UBA6: variants seen among roughly 807,000 people sequenced by gnomAD.
UBA6 encodes the protein ubiquitin like modifier activating enzyme 6, also known as ubiquitin-like modifier-activating enzyme 6.
A neutral mutation model predicts 148.3 loss-of-function variants in UBA6; 87 were observed. The ratio of observed to expected loss-of-function variants is 0.59; its 90% confidence interval spans 0.49 to 0.70. The LOEUF (loss-of-function observed/expected upper bound fraction) is 0.70, where lower values mean the gene tolerates loss of function less well. Among genes scored for constraint, UBA6 ranks in the 30% least tolerant of loss-of-function variants. The pLI, the probability that UBA6 is intolerant of heterozygous loss-of-function variation, is 0.00. For synonymous variants in UBA6, 376 were observed against 401.0 expected, an observed-to-expected ratio of 0.94 and a Z score of 0.75; for missense variants, 1,186 against 1,241.2, an observed-to-expected ratio of 0.96 and a Z score of 0.67.
Position 67,649,054 on chromosome 4 carries a change from AACT to A in UBA6, c.1248+11_1248+13del, listed in dbSNP as rs1345056456. 1 of 1,604,072 alleles carries A rather than the reference AACT, an allele frequency of 6.2e-7. No homozygotes were observed. The highest frequency in any genetic ancestry group is 1.7e-5 in the Admixed American group (1 of 57,326). The stretch of plus-strand genomic sequence containing the variant: ...CACGAGTAAAGAATTCAACTTTAAA[AACT>A]CAGAACTAACCCACTGGCACAAAGG... On this transcript the variant is annotated intron_variant, in intron 14 of 32. Transcript: ENST00000322244.
chr4:67,656,524 G>A (rs535672551), intron 13 of UBA6, among the ~76,000 whole-genome samples: 100 of 152,158 alleles, frequency 6.6e-4, no homozygotes, highest in Non-Finnish European at 9.3e-4. Flanking sequence ...TTGATGAAAC[G>A]TTACCTCAAA....
intron 6 of UBA6, among the ~76,000 whole-genome samples, chr4:67,677,339 T>C (rs1297076381): frequency 6.6e-6 from 1 of 152,164 alleles, no homozygotes; most frequent in Non-Finnish European, 1.5e-5. Flanking sequence ...AGGAAAGAAA[T>C]AAATGCATGT....
At chr4:67,676,401 A>T (rs1730282202) in intron 6 of UBA6, among the ~76,000 whole-genome samples, 1 of 152,114 alleles carries the variant, frequency 6.6e-6, no homozygotes, top group South Asian at 2.1e-4. Context: ...TAATCTCTAA[A>T]CCTATGTGAC....
chr4:67,656,774 A>G (rs1281759514), intron 13 of UBA6, among the ~76,000 whole-genome samples: 1 of 152,250 alleles, frequency 6.6e-6, no homozygotes, highest in East Asian at 1.9e-4. Flanking sequence ...TTGTATATTT[A>G]GAAAACCCCA....
At chr4:67,667,645 C>T (rs954681208) in intron 9 of UBA6, among the ~76,000 whole-genome samples, 6 of 152,128 alleles carry the variant, frequency 3.9e-5, no homozygotes, top group East Asian at 1.9e-4. Flanking sequence ...TATAGTTATG[C>T]GTTGTCCAGT....
intron 8 of UBA6, among the ~76,000 whole-genome samples, chr4:67,669,730 A>C (rs1310189794): frequency 6.6e-6 from 1 of 152,132 alleles, no homozygotes; most frequent in Non-Finnish European, 1.5e-5. Context: ...TAGAAATATA[A>C]CAAATTAGAA....
At chr4:67,644,647 A>G (rs759358688) in intron 17 of UBA6, 51 bp downstream of exon 17, 15 of 1,052,658 alleles carry the variant, frequency 1.4e-5, no homozygotes, top group South Asian at 2.6e-5. Context: ...TAGCTGAAAA[A>G]GGGCAACAAC....
intron 13 of UBA6, among the ~76,000 whole-genome samples, chr4:67,656,275 G>A (rs556946342): frequency 6.6e-6 from 1 of 151,970 alleles, no homozygotes; most frequent in East Asian, 1.9e-4. Flanking sequence ...GAACATTGAT[G>A]CAAAAATAAA....
At chr4:67,666,825 T>C (rs915329422) in intron 9 of UBA6, among the ~76,000 whole-genome samples, 4 of 152,056 alleles carry the variant, frequency 2.6e-5, no homozygotes, top group African/African-American at 9.7e-5. Context: ...CAGTGAGCCA[T>C]GATCATGTCG....
At chr4:67,667,777 T>C (rs986846557) in intron 9 of UBA6, among the ~76,000 whole-genome samples, 1 of 152,212 alleles carries the variant, frequency 6.6e-6, no homozygotes, top group African/African-American at 2.4e-5. Flanking sequence ...TTTCCATTTT[T>C]AAGAATGTCT....
intron 13 of UBA6, 92 bp from the exon 14 acceptor site, chr4:67,649,303 A>G (rs778680155): frequency 8.9e-5 from 113 of 1,264,868 alleles, no homozygotes; most frequent in Admixed American, 6.5e-4. Flanking sequence ...TTAGAACTTA[A>G]CTTCTAAAAA....
chr4:67,628,261 T>C (rs12509806), intron 27 of UBA6, among the ~76,000 whole-genome samples: 3,275 of 152,008 alleles, frequency 0.022, 105 homozygotes, highest in East Asian at 0.11. Context: ...CTAAGCTAGC[T>C]TCTTATTTCA....
chr4:67,668,931 A>T (rs943336910), intron 8 of UBA6, among the ~76,000 whole-genome samples: 1 of 152,196 alleles, frequency 6.6e-6, no homozygotes, highest in Non-Finnish European at 1.5e-5. Flanking sequence ...CACAGAAAGG[A>T]TCAAATATTT....
At chr4:67,678,244 G>A (rs777066856) in intron 5 of UBA6, among the ~76,000 whole-genome samples, 195 bp downstream of exon 5, 9 of 149,730 alleles carry the variant, frequency 6.0e-5, no homozygotes, top group Non-Finnish European at 1.2e-4. Flanking sequence ...ATGACTGATT[G>A]GTGTTCTAGA....
chr4:67,687,404 A>T (rs1399016069), intron 2 of UBA6, among the ~76,000 whole-genome samples: 8 of 152,214 alleles, frequency 5.3e-5, no homozygotes. Context: ...AAGAAAGATT[A>T]AGCAACTAGC....
intron 2 of UBA6, among the ~76,000 whole-genome samples, chr4:67,684,056 G>A (rs1730503236): frequency 6.6e-6 from 1 of 152,156 alleles, no homozygotes; most frequent in South Asian, 2.1e-4. Context: ...CAGCTTGGGC[G>A]ACGGGAATGA....
rs559159887 is a variant in UBA6, at chr4:67,662,827, T to C, written c.1037+312A>G. 12 of 218,824 alleles carry C rather than the reference T, an allele frequency of 5.5e-5. No homozygotes were observed. The East Asian group carries it at 1.3e-3, about 24-fold the overall frequency. 13.6% of individuals were successfully genotyped at this position (218,824 alleles called of 1,614,324 possible). A position where few individuals can be genotyped will look rare whatever the true frequency, so the allele number is the denominator to read the frequency against. ...CCAACAGTACTCTGACTTAACAGGA[T>C]ATAAAGTTAAAAAAAAAATTACTAT... On this transcript the variant is annotated intron_variant, in intron 12 of 32. Transcript: ENST00000322244.
At position 67,677,681 on chromosome 4, in the gene UBA6, T is replaced by C. The variant is rs532958624; in HGVS notation, c.395A>G (p.Tyr132Cys). ...VLKHIAELNPYVHVTSSSVPF... is the reference protein window; with the variant it reads ...VLKHIAELNPCVHVTSSSVPF... ...AACAGAAGATGATGTGACATGAACG[T>C]ATGGATTTAGTTCTGCAATATGTTT... Residue 132 changes from tyrosine (Y) to cysteine (C), a missense_variant, in exon 6 of 33, where the codon TAC becomes TGC. Tyr to Cys is a radical substitution (Grantham distance 194). Coordinates refer to ENST00000322244, the MANE Select transcript of UBA6 (RefSeq NM_018227.6). 2 of 1,607,068 alleles carry C rather than the reference T, an allele frequency of 1.2e-6. No individual in the cohort carries two copies. Among genetic ancestry groups the C allele is most frequent in the African/African-American group, 1.3e-5 (1 of 74,760 alleles).
chr4:67,638,945 G>C lies in UBA6; in HGVS notation c.1734C>G (p.Asp578Glu). 6.3e-7 allele frequency: 1 copy of C among 1,599,940 alleles called. No homozygotes were observed. Among genetic ancestry groups the C allele is most frequent in the Non-Finnish European group, 8.5e-7 (1 of 1,170,800 alleles). Residue 578 changes from aspartate to glutamate, a missense_variant and splice_region_variant, in exon 19 of 33, where the codon GAC becomes GAG. Physicochemically the swap from Asp to Glu is conservative, Grantham distance 45. Transcript: ENST00000322244. ...LDNVEARRYV[D>E]SRCLANLRPL... ...GAACATGAATTTCAAGAACATACCT[G>C]TCTACGTATCTCCTGGCTTCCACAT...
Sources: allele counts gnomAD v4.1 joint callset (sites outside exome capture counted in the v4.1 genomes callset), GRCh38; gene constraint gnomAD v4.1.1; transcripts MANE v1.5; gene names NCBI Gene and HGNC (gene_info 2026-07-23, HGNC 2026-07-21).